The following GABPB1 variants were observed in gnomAD, a reference collection of about 807,000 sequenced individuals.
GABPB1 encodes GA-binding protein subunit beta-1.
In GABPB1, 15 loss-of-function variants were observed where a neutral mutation model predicts 45.9. That is an observed-to-expected ratio of 0.33 (90% CI 0.22 to 0.50). The LOEUF (loss-of-function observed/expected upper bound fraction) is 0.50, where lower values mean the gene tolerates loss of function less well. GABPB1 is among the 20% of genes least tolerant of loss of function. GABPB1 has a pLI of 0.98. For synonymous variants in GABPB1, 143 were observed against 154.4 expected (o/e 0.93, Z 0.55); for missense variants, 252 against 457.5 (o/e 0.55, Z 4.10).
intron 8 of GABPB1, among the ~76,000 whole-genome samples, chr15:50,283,365 C>A (rs75721199): frequency 0.043 from 6,490 of 151,654 alleles, 437 homozygotes; most frequent in African/African-American, 0.15. Flanking sequence ...AAAAAAAAAC[C>A]TATTTTATTT....
At chr15:50,329,743 C>T (rs2047887039) in intron 1 of GABPB1, among the ~76,000 whole-genome samples, 1 of 152,136 alleles carries the variant, frequency 6.6e-6, no homozygotes, top group Non-Finnish European at 1.5e-5. Context: ...TAAAAAGACA[C>T]ACTCAGAAAT....
At chr15:50,334,032 A>G (rs538431224) in intron 1 of GABPB1, among the ~76,000 whole-genome samples, 7 of 148,926 alleles carry the variant, frequency 4.7e-5, no homozygotes, top group African/African-American at 1.7e-4. Context: ...CTCGATCTCA[A>G]AAAAAAAAAA....
chr15:50,328,092 A>G (rs927742416), intron 1 of GABPB1, among the ~76,000 whole-genome samples: 1 of 152,048 alleles, frequency 6.6e-6, no homozygotes, highest in African/African-American at 2.4e-5. Context: ...TCATTATACA[A>G]ATTTTCAAAT....
chr15:50,324,492 A>C (rs550171988), intron 1 of GABPB1, among the ~76,000 whole-genome samples: 2 of 151,190 alleles, frequency 1.3e-5, no homozygotes, highest in South Asian at 4.2e-4. Context: ...CTGGCTTTGA[A>C]GCCCCTCCAG....
rs746004217 is a variant in GABPB1, at chr15:50,289,549, A to G, written c.817T>C (p.Leu273=). 1 of 1,613,452 alleles carries G rather than the reference A, an allele frequency of 6.2e-7. No homozygotes were observed. Among genetic ancestry groups the G allele is most frequent in the Non-Finnish European group, 8.5e-7 (1 of 1,179,800 alleles). ...IVTDGIQLGN[L]HSIPTSGIGQ... is the part of the protein sequence containing the mutation. ...ATTCCACTGGTTGGAATAGAGTGCA[A>G]ATTTCCAAGCTGAATTCCATCTGTA... Residue 273 remains leucine, a synonymous_variant, in exon 7 of 9, where the codon TTG becomes CTG. Coordinates refer to ENST00000380877, the MANE Select transcript of GABPB1 (RefSeq NM_016654.5).
chr15:50,297,519 T>C (rs1327214695), intron 6 of GABPB1, among the ~76,000 whole-genome samples: 1 of 152,204 alleles, frequency 6.6e-6, no homozygotes, highest in Non-Finnish European at 1.5e-5. Flanking sequence ...CGGCACTTCT[T>C]TTTAAGTAAG....
At chr15:50,351,166 CA>C (rs1314165856) in intron 1 of GABPB1, 1 of 152,210 alleles carries the variant, frequency 6.6e-6, no homozygotes, top group African/African-American at 2.4e-5. Flanking sequence ...TACAAGGTCT[CA>C]CTTATGATAG....
chr15:50,297,053 G>T (rs1437815682), intron 6 of GABPB1, among the ~76,000 whole-genome samples: 1 of 151,502 alleles, frequency 6.6e-6, no homozygotes, highest in African/African-American at 2.4e-5. Context: ...TGGGATTACA[G>T]GCATACGCCA....
At chr15:50,334,991 G>A (rs904557125) in intron 1 of GABPB1, among the ~76,000 whole-genome samples, 10 of 152,094 alleles carry the variant, frequency 6.6e-5, no homozygotes, top group African/African-American at 2.4e-4. Flanking sequence ...ACTATGTGCT[G>A]ATTACTGTCC....
intron 2 of GABPB1, among the ~76,000 whole-genome samples, chr15:50,309,272 C>T (rs562765075): frequency 6.6e-6 from 1 of 152,048 alleles, no homozygotes; most frequent in African/African-American, 2.4e-5. Flanking sequence ...GTCATGTCTG[C>T]AACAGTTTTA....
At chr15:50,302,437 G>A (rs2046784628) in intron 4 of GABPB1, among the ~76,000 whole-genome samples, 1 of 151,994 alleles carries the variant, frequency 6.6e-6, no homozygotes, top group African/African-American at 2.4e-5. Context: ...GAGCTCAAGA[G>A]TTCAACACCA....
At chr15:50,321,984 A>C (rs1186848854) in intron 1 of GABPB1, among the ~76,000 whole-genome samples, 2 of 29,146 alleles carry the variant, frequency 6.9e-5, no homozygotes, top group Non-Finnish European at 1.7e-4. Context: ...GATGTGACCA[A>C]AAAAAAAAAA....
intron 4 of GABPB1, 130 bp downstream of exon 4, chr15:50,302,799 C>A: frequency 1.6e-6 from 1 of 612,600 alleles, no homozygotes; most frequent in South Asian, 2.2e-5. Flanking sequence ...GAGAAAAAGG[C>A]CTATCCAAAA....
intron 4 of GABPB1, 29 bp downstream of exon 4, chr15:50,302,900 A>T (rs746600337): frequency 2.0e-6 from 3 of 1,464,196 alleles, no homozygotes; most frequent in Admixed American, 3.8e-5. Flanking sequence ...CTTTTTCTTT[A>T]TTTTCTTAAA....
intron 1 of GABPB1, among the ~76,000 whole-genome samples, chr15:50,317,099 TAGAA>T (rs2047358943): frequency 6.6e-6 from 1 of 152,048 alleles, no homozygotes; most frequent in Non-Finnish European, 1.5e-5. Flanking sequence ...ATGATCTTAA[TAGAA>T]AAACACTTGG....
At chr15:50,300,284 T>C (rs2046680755) in intron 6 of GABPB1, among the ~76,000 whole-genome samples, 1 of 152,160 alleles carries the variant, frequency 6.6e-6, no homozygotes, top group Non-Finnish European at 1.5e-5. Context: ...TTGGGAATAC[T>C]GGACTGATGA....
At chr15:50,330,015 T>A (rs2047898454) in intron 1 of GABPB1, among the ~76,000 whole-genome samples, 1 of 151,774 alleles carries the variant, frequency 6.6e-6, no homozygotes, top group East Asian at 1.9e-4. Flanking sequence ...CAGGTGATCC[T>A]CCCACCTCAG....
intron 8 of GABPB1, among the ~76,000 whole-genome samples, chr15:50,284,657 T>A (rs2046096315): frequency 6.6e-6 from 1 of 152,182 alleles, no homozygotes; most frequent in Non-Finnish European, 1.5e-5. Flanking sequence ...TTTAAAAATA[T>A]AATCTGTTGA....
At chr15:50,312,861 T>C (rs975775731) in intron 1 of GABPB1, among the ~76,000 whole-genome samples, 6 of 152,150 alleles carry the variant, frequency 3.9e-5, no homozygotes, top group Non-Finnish European at 7.4e-5. Context: ...CTGGGTTGTC[T>C]GTCTTTTTTT....
Sources: allele counts gnomAD v4.1 joint callset (sites outside exome capture counted in the v4.1 genomes callset), GRCh38; gene constraint gnomAD v4.1.1; transcripts MANE v1.5; gene names NCBI Gene and HGNC (gene_info 2026-07-23, HGNC 2026-07-21).